The following GAREM1 variants were observed in gnomAD, a reference collection of about 807,000 sequenced individuals.
The protein encoded by GAREM1 is GRB2-associated and regulator of MAPK protein 1.
Under a neutral mutation model 71.3 loss-of-function variants are expected in GAREM1, and 26 were observed. The ratio of observed to expected loss-of-function variants is 0.36; its 90% CI spans 0.27 to 0.51. The LOEUF (loss-of-function observed/expected upper bound fraction) is 0.51. GAREM1 is among the 20% of genes least tolerant of loss of function. The probability of loss-of-function intolerance (pLI) is 0.95; values close to 1 mark genes in which losing one functional copy is unlikely to be tolerated. For synonymous variants in GAREM1, 440 were observed against 433.2 expected (o/e 1.02, Z -0.20); for missense variants, 1,026 against 1,103.1 (o/e 0.93, Z 0.99).
In GAREM1 at chr18:32,291,334, A is replaced by C. The variant is rs865826711; in HGVS notation, c.394-3131T>G. Among the ~76,000 whole-genome samples, 471 of 149,382 alleles carry C rather than the reference A, an allele frequency of 3.2e-3. 3 individuals are homozygous for C. Among genetic ancestry groups the C allele is most frequent in the African/African-American group, 0.011 (450 of 40,122 alleles). On this transcript the variant is annotated intron_variant, in intron 3 of 5. Coordinates refer to ENST00000269209, the MANE Select transcript of GAREM1 (RefSeq NM_001242409.2). ...TTTGTTACCAAAAAAAAAAAAAAAA[A>C]CCAAAAACATGCACAAGGAAAAACA...
intron 3 of GAREM1, among the ~76,000 whole-genome samples, chr18:32,301,714 C>T (rs1312512884): frequency 6.6e-6 from 1 of 152,168 alleles, no homozygotes; most frequent in Non-Finnish European, 1.5e-5. Flanking sequence ...AAACCCGGGA[C>T]CTTCCCTTTG....
At chr18:32,382,350 A>C (rs1189941868) in intron 2 of GAREM1, among the ~76,000 whole-genome samples, 1 of 152,086 alleles carries the variant, frequency 6.6e-6, no homozygotes. Context: ...GGATTTCACT[A>C]TTCTTCTTCT....
chr18:32,350,358 T>A (rs2047736225), intron 2 of GAREM1, among the ~76,000 whole-genome samples: 1 of 152,154 alleles, frequency 6.6e-6, no homozygotes, highest in Non-Finnish European at 1.5e-5. Flanking sequence ...ATGCACTGAT[T>A]AGATTTTTTG....
rs1013677003 is a variant in GAREM1, at chr18:32,293,178, T to C, written c.394-4975A>G. Among the ~76,000 whole-genome samples the C allele has an allele frequency of 2.6e-5, 4 of 151,422 alleles. No homozygotes were observed. In the South Asian group the frequency reaches 6.3e-4, roughly 24 times the overall value. On this transcript the variant is annotated intron_variant, in intron 3 of 5. Coordinates refer to ENST00000269209, the MANE Select transcript of GAREM1 (RefSeq NM_001242409.2). ...ACACACACAGACACACACACACACGTATATCTTAGTTTTTTTCCTTTCCAA... is the reference window on the plus strand; with the variant it reads ...ACACACACAGACACACACACACACGCATATCTTAGTTTTTTTCCTTTCCAA...
At chr18:32,280,036 G>A (rs2041593104) in intron 4 of GAREM1, among the ~76,000 whole-genome samples, 1 of 152,160 alleles carries the variant, frequency 6.6e-6, no homozygotes, top group Admixed American at 6.5e-5. Context: ...TTAATTAAAT[G>A]TCAAATGCCC....
chr18:32,412,016 A>G (rs2048423883), intron 1 of GAREM1, among the ~76,000 whole-genome samples: 1 of 152,224 alleles, frequency 6.6e-6, no homozygotes, highest in Non-Finnish European at 1.5e-5. Flanking sequence ...AAACTAAAAT[A>G]ACCTGTTATA....
At chr18:32,465,347 T>C (rs2048989387) in intron 1 of GAREM1, among the ~76,000 whole-genome samples, 1 of 152,184 alleles carries the variant, frequency 6.6e-6, no homozygotes, top group South Asian at 2.1e-4. Flanking sequence ...ACCTCTGATG[T>C]TTACAAACAG....
chr18:32,278,345 C>T (rs770810772), intron 4 of GAREM1, among the ~76,000 whole-genome samples: 1 of 152,118 alleles, frequency 6.6e-6, no homozygotes, highest in African/African-American at 2.4e-5. Flanking sequence ...GAGAGTATAC[C>T]TCCTGTCTCA....
At chr18:32,301,071 A>G (rs1020975565) in intron 3 of GAREM1, among the ~76,000 whole-genome samples, 1 of 152,212 alleles carries the variant, frequency 6.6e-6, no homozygotes, top group African/African-American at 2.4e-5. Flanking sequence ...TTGGGAAAAT[A>G]TATTGGCTGC....
At chr18:32,348,510 G>C (rs921472862) in intron 2 of GAREM1, among the ~76,000 whole-genome samples, 1 of 151,938 alleles carries the variant, frequency 6.6e-6, no homozygotes, top group Non-Finnish European at 1.5e-5. Flanking sequence ...GATCACTTGA[G>C]GCCAGGAGTT....
At chr18:32,400,303 T>A (rs374081251) in intron 1 of GAREM1, among the ~76,000 whole-genome samples, 3 of 152,136 alleles carry the variant, frequency 2.0e-5, no homozygotes, top group East Asian at 1.9e-4. Context: ...CAATGGCAAC[T>A]AAAGCCAAAA....
intron 1 of GAREM1, among the ~76,000 whole-genome samples, chr18:32,417,633 T>C (rs574039899): frequency 1.3e-5 from 2 of 152,232 alleles, no homozygotes; most frequent in African/African-American, 4.8e-5. Context: ...AAGACAGACA[T>C]TGTATGTTCT....
chr18:32,363,979 CATAA>C (rs1231395406), intron 2 of GAREM1, among the ~76,000 whole-genome samples: 1 of 69,404 alleles, frequency 1.4e-5, no homozygotes, highest in East Asian at 4.6e-4. Context: ...TACACAAATA[CATAA>C]ATACATATAT....
chr18:32,298,449 G>A (rs191791569), intron 3 of GAREM1, among the ~76,000 whole-genome samples: 6 of 151,296 alleles, frequency 4.0e-5, no homozygotes, highest in Non-Finnish European at 7.4e-5. Context: ...AAGTGCTTCC[G>A]TATGTGTGTC....
chr18:32,310,143 T>C, intron 3 of GAREM1, 50 bp downstream of exon 3: 1 of 1,599,190 alleles, frequency 6.3e-7, no homozygotes, highest in Non-Finnish European at 8.5e-7. Flanking sequence ...GACTTGAAAG[T>C]TAAATTATCT....
intron 1 of GAREM1, among the ~76,000 whole-genome samples, chr18:32,403,246 G>A (rs2048333899): frequency 6.6e-6 from 1 of 151,908 alleles, no homozygotes; most frequent in Non-Finnish European, 1.5e-5. Flanking sequence ...AAATATTGCT[G>A]CAGATAACAT....
At chr18:32,409,905 G>C (rs531939637) in intron 1 of GAREM1, among the ~76,000 whole-genome samples, 2 of 152,264 alleles carry the variant, frequency 1.3e-5, no homozygotes, top group East Asian at 3.9e-4. Context: ...AGGCAGGTGA[G>C]AGAGGGGACT....
intron 1 of GAREM1, among the ~76,000 whole-genome samples, chr18:32,446,223 AGTGTGTGTGTGT>A (rs10587223): frequency 3.5e-5 from 5 of 143,342 alleles, no homozygotes; most frequent in Admixed American, 7.0e-5. Flanking sequence ...AGTTCCCCAT[AGTGTGTGTGTGT>A]GTGTGTGTGT....
chr18:32,359,012 C>T (rs534746561), intron 2 of GAREM1, among the ~76,000 whole-genome samples: 22 of 152,152 alleles, frequency 1.4e-4, no homozygotes, highest in Non-Finnish European at 2.8e-4. Flanking sequence ...TGGAAGAACC[C>T]GTCAGCCATC....
Sources: gnomAD v4.1 joint callset for allele counts (sites outside exome capture counted in the v4.1 genomes callset) on GRCh38, gnomAD v4.1.1 for gene constraint, MANE v1.5 for transcripts, NCBI Gene and HGNC (gene_info 2026-07-23, HGNC 2026-07-21) for gene names.